The following CYS1 variants were observed in gnomAD, a reference collection of about 807,000 sequenced individuals.
The protein encoded by CYS1 is cystin 1, also known as cystin-1.
Under a neutral mutation model 9.6 loss-of-function variants are expected in CYS1, and 5 were observed. That is an observed-to-expected ratio of 0.52 (90% CI 0.27 to 1.10). The LOEUF (loss-of-function observed/expected upper bound fraction) is 1.10, where lower values mean the gene tolerates loss of function less well. Among genes scored for constraint, CYS1 ranks in the 50% least tolerant of loss-of-function variants. The pLI, the probability that CYS1 is intolerant of heterozygous loss-of-function variation, is 0.11. For synonymous variants in CYS1, 88 were observed against 95.7 expected, an observed-to-expected ratio of 0.92 and a Z score of 0.47; for missense variants, 221 against 207.9, an observed-to-expected ratio of 1.06 and a Z score of -0.39.
At chr2:10,064,794 T>C (rs987701191) in intron 2 of CYS1, among the ~76,000 whole-genome samples, 2 of 152,062 alleles carry the variant, frequency 1.3e-5, no homozygotes, top group African/African-American at 4.8e-5. Flanking sequence ...CTTGGCTCAC[T>C]GCAACCTCCA....
At chr2:10,067,989 A>G (rs1661718400) in intron 1 of CYS1, among the ~76,000 whole-genome samples, 2 of 152,114 alleles carry the variant, frequency 1.3e-5, no homozygotes, top group South Asian at 2.1e-4. Context: ...ACTGAATATG[A>G]TATTTGCTGT....
At chr2:10,067,391 TA>T (rs1200154305) in intron 1 of CYS1, among the ~76,000 whole-genome samples, 1 of 147,100 alleles carries the variant, frequency 6.8e-6, no homozygotes, top group East Asian at 2.0e-4. Flanking sequence ...ATATACATTT[TA>T]AAAAAATTCT....
At chr2:10,065,096 A>G (rs1661677648) in intron 2 of CYS1, among the ~76,000 whole-genome samples, 1 of 151,678 alleles carries the variant, frequency 6.6e-6, no homozygotes, top group South Asian at 2.1e-4. Flanking sequence ...CGCTGCTTGC[A>G]TTTCCCGAGA....
At chr2:10,064,296 TGGTAGTAACGGATATGTCAGG>T (rs1173590198) in intron 2 of CYS1, among the ~76,000 whole-genome samples, 8 of 151,814 alleles carry the variant, frequency 5.3e-5, no homozygotes, top group Non-Finnish European at 1.2e-4. Flanking sequence ...CACTGGTGAG[TGGTAGTAACGGATATGTCAGG>T]GGTGTCCTGG....
At chr2:10,070,891 A>C (rs930932295) in intron 1 of CYS1, among the ~76,000 whole-genome samples, 1 of 151,170 alleles carries the variant, frequency 6.6e-6, no homozygotes, top group Admixed American at 6.6e-5. Context: ...CGATCCCCCC[A>C]CCTCGGCCTC....
Position 10,080,314 on chromosome 2 carries a change from G to A in CYS1, c.-91C>T. 1 of 828,408 alleles carries A rather than the reference G, an allele frequency of 1.2e-6. No homozygotes were observed. Among genetic ancestry groups the A allele is most frequent in the Non-Finnish European group, 1.5e-6 (1 of 683,410 alleles). 51.3% of individuals were successfully genotyped at this position (828,408 alleles called of 1,614,324 possible). On this transcript the variant is annotated 5_prime_UTR_variant, in exon 1 of 3. Coordinates refer to ENST00000381813, the MANE Select transcript of CYS1 (RefSeq NM_001037160.3). This position sits in a 1 kb window ranked among gnomAD's most constrained non-coding sequence, Gnocchi z 6.4. ...ACGCTAGGGGGTGCGGCCGGGGCGG[G>A]CTGCAGGGGGAGGCGCGGGGCGAGG...
chr2:10,070,931 G>A (rs1405970516), intron 1 of CYS1, among the ~76,000 whole-genome samples: 1 of 152,008 alleles, frequency 6.6e-6, no homozygotes, highest in Non-Finnish European at 1.5e-5. Flanking sequence ...CAGGCATGGT[G>A]AGCCACCACG....
intron 1 of CYS1, among the ~76,000 whole-genome samples, chr2:10,070,737 G>C (rs1484649975): frequency 6.6e-6 from 1 of 151,564 alleles, no homozygotes; most frequent in Non-Finnish European, 1.5e-5. Context: ...CTCAACTCCT[G>C]GGCTCAAGCA....
chr2:10,066,728 C>T (rs1042276846), intron 1 of CYS1, among the ~76,000 whole-genome samples: 6 of 152,190 alleles, frequency 3.9e-5, no homozygotes, highest in Non-Finnish European at 5.9e-5. Context: ...AATGGGGTTA[C>T]GGCCCGAAGA....
chr2:10,069,688 T>A (rs4669526), intron 1 of CYS1, among the ~76,000 whole-genome samples: 62,675 of 150,970 alleles, frequency 0.42, 13,260 homozygotes, highest in East Asian at 0.61. Flanking sequence ...TTAAAAAAAA[T>A]TTTTTTTTTA....
chr2:10,058,696 A>C lies in CYS1; in HGVS notation c.*157T>G, dbSNP rs1661583780. 1.6e-6 allele frequency: 1 copy of C among 615,010 alleles called. No homozygotes were observed. Among genetic ancestry groups the C allele is most frequent in the East Asian group, 2.9e-5 (1 of 34,654 alleles). The allele number at this position is 615,010 out of a possible 1,614,324, so 38.1% of individuals were successfully genotyped here. ...TGACCGCCAGTGGCTGGCCCAGGTC[A>C]GCGCGGTCTGAAAGTGGATTTGAAA... is the stretch of plus-strand genomic sequence containing the variant. On this transcript the variant is annotated 3_prime_UTR_variant, in exon 3 of 3. Coordinates refer to ENST00000381813, the MANE Select transcript of CYS1 (RefSeq NM_001037160.3).
chr2:10,077,169 C>T (rs976042990), intron 1 of CYS1, among the ~76,000 whole-genome samples: 3 of 152,170 alleles, frequency 2.0e-5, no homozygotes, highest in Non-Finnish European at 4.4e-5. Flanking sequence ...GCCCGCCAAC[C>T]TGGTCCAAAT....
chr2:10,064,337 G>T (rs1318089639), intron 2 of CYS1, among the ~76,000 whole-genome samples: 1 of 152,210 alleles, frequency 6.6e-6, no homozygotes, highest in Non-Finnish European at 1.5e-5. Context: ...GAATGTGCAC[G>T]TGTAGAAGTC....
intron 1 of CYS1, among the ~76,000 whole-genome samples, chr2:10,072,872 C>T (rs895312493): frequency 9.3e-5 from 14 of 150,222 alleles, no homozygotes; most frequent in African/African-American, 2.4e-4. Flanking sequence ...GGTGGGGGAG[C>T]GGTGCAGGCA....
intron 1 of CYS1, among the ~76,000 whole-genome samples, chr2:10,073,957 CT>C (rs1174215819): frequency 1.3e-5 from 2 of 152,172 alleles, no homozygotes; most frequent in African/African-American, 4.8e-5. Context: ...GAGAGAGCCT[CT>C]GAGGCTGCCC....
chr2:10,072,334 C>T (rs1020623549), intron 1 of CYS1, among the ~76,000 whole-genome samples: 7 of 152,218 alleles, frequency 4.6e-5, no homozygotes, highest in Non-Finnish European at 2.9e-5. Flanking sequence ...CCGCCTGCCT[C>T]GGCCTCCCAA....
At position 10,080,025 on chromosome 2, in the gene CYS1, T is replaced by C; in HGVS notation, c.199A>G (p.Arg67Gly). The C allele has an allele frequency of 9.4e-7, 1 of 1,068,858 alleles. No individual in the cohort carries two copies. Among genetic ancestry groups the C allele is most frequent in the Non-Finnish European group, 1.1e-6 (1 of 884,942 alleles). 66.2% of individuals were successfully genotyped at this position (1,068,858 alleles called of 1,614,324 possible). ...DPSPVAPPDG[R>G]DETLRLLDEL... ...TCCAGCAGGCGCAGCGTCTCGTCCCTGCCGTCGGGGGGCGCCACGGGGCTG... is the reference window on the plus strand; with the variant it reads ...TCCAGCAGGCGCAGCGTCTCGTCCCCGCCGTCGGGGGGCGCCACGGGGCTG... Residue 67 changes from arginine (R) to glycine (G), a missense_variant, in exon 1 of 3, where the codon AGG (arginine) becomes GGG (glycine). Arg to Gly is a moderately radical substitution (Grantham distance 125). Coordinates refer to ENST00000381813, the MANE Select transcript of CYS1 (RefSeq NM_001037160.3). This position sits in a 1 kb window ranked among gnomAD's most constrained non-coding sequence, Gnocchi z 6.4.
In CYS1 at chr2:10,076,699, C is replaced by T. The variant is rs561208588; in HGVS notation, c.318+3207G>A. 5.3e-5 allele frequency among the ~76,000 whole-genome samples: 8 copies of T among 152,280 alleles called. No homozygotes were observed. The highest frequency in any genetic ancestry group is 3.9e-4 in the East Asian group (2 of 5,170). ...CTCTATCTCCTCAACCTTTGAACAG[C>T]GTGCTCAACCCCTGGCCTCGTCCCA... On this transcript the variant is annotated intron_variant, in intron 1 of 2. Transcript: ENST00000381813. This position sits in a 1 kb window ranked among gnomAD's most constrained non-coding sequence, Gnocchi z 4.3.
rs150379891 is a variant in CYS1 at position 10,065,068 on chromosome 2, C to G, written c.371+836G>C. 4.9e-3 allele frequency among the ~76,000 whole-genome samples: 742 copies of G among 152,190 alleles called. 3 individuals are homozygous for G. The highest frequency in any genetic ancestry group is 0.013 in the South Asian group (63 of 4,814). On this transcript the variant is annotated intron_variant, in intron 2 of 2. Coordinates refer to ENST00000381813, the MANE Select transcript of CYS1 (RefSeq NM_001037160.3). ...CTTCAAGCCATCTTAAACACCAGTT[C>G]TGACCTCCCCTGGAGCTCGCTGCTT...
Sources: gnomAD v4.1 joint callset for allele counts (sites outside exome capture counted in the v4.1 genomes callset) on GRCh38, gnomAD v4.1.1 for gene constraint, Gnocchi (gnomAD v3.1) non-coding constraint, MANE v1.5 for transcripts, NCBI Gene and HGNC (gene_info 2026-07-23, HGNC 2026-07-21) for gene names.